The following ARHGEF4 variants were observed in gnomAD, a reference collection of about 807,000 sequenced individuals.
The protein encoded by ARHGEF4 is APC-stimulated guanine nucleotide exchange factor 1.
ARHGEF4 carries 119 observed loss-of-function variants against 162.0 expected under a neutral mutation model. The observed-to-expected ratio is 0.73, with a 90% confidence interval of 0.63 to 0.86. ARHGEF4 has a LOEUF of 0.86. Among genes scored for constraint, ARHGEF4 ranks in the 40% least tolerant of loss-of-function variants. The probability of loss-of-function intolerance (pLI) is 0.00; values close to 1 mark genes in which losing one functional copy is unlikely to be tolerated. For missense variants in ARHGEF4, 2,488 were observed against 2,456.0 expected, an observed-to-expected ratio of 1.01 and a Z score of -0.28; for synonymous variants, 1,014 against 979.9, an observed-to-expected ratio of 1.03 and a Z score of -0.65.
chr2:130,887,218 C>T (rs2104977170), intron 1 of ARHGEF4, among the ~76,000 whole-genome samples: 1 of 151,922 alleles, frequency 6.6e-6, no homozygotes, highest in East Asian at 1.9e-4. Context: ...GTAGTCCCAG[C>T]TACTTGGGAG....
At chr2:130,907,508 T>C (rs913449319) in intron 1 of ARHGEF4, among the ~76,000 whole-genome samples, 5 of 150,826 alleles carry the variant, frequency 3.3e-5, no homozygotes, top group Admixed American at 6.6e-5. Context: ...TGAGCCACCA[T>C]GCCCAGTCAG....
rs573242139 is a variant in ARHGEF4, at chr2:130,878,157, T to G, written c.40-35829T>G. 2.0e-5 allele frequency among the ~76,000 whole-genome samples: 3 copies of G among 152,322 alleles called. No homozygotes were observed. In the South Asian group the frequency reaches 6.2e-4, roughly 32 times the overall value. On this transcript the variant is annotated intron_variant, in intron 1 of 13. Transcript: ENST00000409359. ...AGCGAAATCATAAATACTTTAGGGT[T>G]TGTAGGCAGTATAGGGTCTCTGTCA... is the stretch of plus-strand genomic sequence containing the variant.
At chr2:130,909,004 A>C (rs1245653695) in intron 1 of ARHGEF4, among the ~76,000 whole-genome samples, 1 of 152,184 alleles carries the variant, frequency 6.6e-6, no homozygotes, top group Non-Finnish European at 1.5e-5. Flanking sequence ...CACTGGGAGG[A>C]TTAACATGAA....
In ARHGEF4 at chr2:131,030,170, A is replaced by G. The variant is rs1304243462; in HGVS notation, c.4125+2086A>G. Among the ~76,000 whole-genome samples, 4 of 152,274 alleles carry G rather than the reference A, an allele frequency of 2.6e-5. No homozygotes were observed. The East Asian group carries it at 7.7e-4, about 29-fold the overall frequency. Reference sequence around the variant, plus strand: ...ATGGCTGCGTTGATCTTGTGTCTGCATTTCATAGTTGTGTGTCTCCTACCT... The same window carrying G: ...ATGGCTGCGTTGATCTTGTGTCTGCGTTTCATAGTTGTGTGTCTCCTACCT... On this transcript the variant is annotated intron_variant, in intron 5 of 13. Transcript: ENST00000409359.
chr2:130,981,406 A>C (rs1686107712), intron 4 of ARHGEF4, among the ~76,000 whole-genome samples: 2 of 152,230 alleles, frequency 1.3e-5, no homozygotes, highest in African/African-American at 4.8e-5. Flanking sequence ...TAGGCCTGTA[A>C]TCCCAGCACT....
At chr2:130,988,398 G>T (rs898972221) in intron 4 of ARHGEF4, among the ~76,000 whole-genome samples, 1 of 152,228 alleles carries the variant, frequency 6.6e-6, no homozygotes, top group Non-Finnish European at 1.5e-5. Context: ...TGGTGTGTGG[G>T]CACTAAGAAA....
chr2:130,905,189 C>T lies in ARHGEF4; in HGVS notation c.40-8797C>T, dbSNP rs189739404. On this transcript the variant is annotated intron_variant, in intron 1 of 13. Coordinates refer to ENST00000409359, the MANE Select transcript of ARHGEF4 (RefSeq NM_001367493.1). Reference sequence around the variant, plus strand: ...AATACACAAAATTATCGCACATTCTCTATTTTCTTTTCTAAGTAGCCCTTA... The same window carrying T: ...AATACACAAAATTATCGCACATTCTTTATTTTCTTTTCTAAGTAGCCCTTA... Among the ~76,000 whole-genome samples, 16 of 152,254 alleles carry T rather than the reference C, an allele frequency of 1.1e-4. No individual in the cohort carries two copies. The East Asian group carries it at 3.1e-3, about 29-fold the overall frequency.
At chr2:130,985,475 CT>C (rs1686417930) in intron 4 of ARHGEF4, among the ~76,000 whole-genome samples, 1 of 151,970 alleles carries the variant, frequency 6.6e-6, no homozygotes, top group African/African-American at 2.4e-5. Flanking sequence ...ATCCATCTCC[CT>C]GACTGACTAA....
chr2:130,964,334 T>G (rs1322727736), intron 4 of ARHGEF4: 21 of 808,448 alleles, frequency 2.6e-5, no homozygotes, highest in Non-Finnish European at 3.0e-5. Flanking sequence ...CTCCTGCCTT[T>G]CCTTCTCCTC....
At chr2:131,045,137 G>A (rs1400492124) in intron 12 of ARHGEF4, among the ~76,000 whole-genome samples, 2 of 152,182 alleles carry the variant, frequency 1.3e-5, no homozygotes, top group African/African-American at 2.4e-5. Context: ...GGAAGGACTC[G>A]GGGATCTTCA....
At chr2:130,894,067 T>C (rs1360605869) in intron 1 of ARHGEF4, among the ~76,000 whole-genome samples, 1 of 152,246 alleles carries the variant, frequency 6.6e-6, no homozygotes, top group East Asian at 1.9e-4. Context: ...CATCTGTGGG[T>C]ACAGCTATCA....
chr2:130,877,282 A>T (rs1439344574), intron 1 of ARHGEF4, among the ~76,000 whole-genome samples: 4 of 152,218 alleles, frequency 2.6e-5, no homozygotes, highest in Admixed American at 6.5e-5. Flanking sequence ...TTTAAGATTT[A>T]TTATTTTAAT....
intron 4 of ARHGEF4, among the ~76,000 whole-genome samples, chr2:131,006,443 C>T (rs796621951): frequency 2.0e-5 from 3 of 152,338 alleles, no homozygotes; most frequent in African/African-American, 4.8e-5. Context: ...AGTCACATGG[C>T]CCAGGGCCTT....
chr2:130,916,358 G>C lies in ARHGEF4; in HGVS notation c.2412G>C (p.Arg804Ser). 6.5e-7 allele frequency: 1 copy of C among 1,541,772 alleles called. No homozygotes were observed. The highest frequency in any genetic ancestry group is 1.2e-5 in the South Asian group (1 of 83,668). The change falls in exon 2 of 14, where the codon AGG becomes AGC. Residue 804 changes from arginine to serine, a missense_variant. By Grantham distance (110) the Arg-to-Ser change is moderately radical (BLOSUM62 -1). Around this residue, in one of 6 missense-constraint regions of ARHGEF4, gnomAD observed 1,642 missense variants for 1,481.5 expected, o/e 1.11. Transcript: ENST00000409359. Reference sequence around the variant, plus strand: ...AGGTGACCTCCTTCAGGAAGGGCAGGCCCTTGGCCACTGAGAGCCCAGGAG... The same window carrying C: ...AGGTGACCTCCTTCAGGAAGGGCAGCCCCTTGGCCACTGAGAGCCCAGGAG... ...FSKVTSFRKG[R>S]PLATESPGGV... is the part of the protein sequence containing the mutation.
At chr2:131,033,836 GCA>G (rs151016365) in intron 5 of ARHGEF4, among the ~76,000 whole-genome samples, 1 of 152,018 alleles carries the variant, frequency 6.6e-6, no homozygotes, top group African/African-American at 2.4e-5. Flanking sequence ...ACACTTCTCT[GCA>G]CACACACACG....
At chr2:130,947,720 T>A (rs1380132048) in intron 4 of ARHGEF4, among the ~76,000 whole-genome samples, 1 of 152,174 alleles carries the variant, frequency 6.6e-6, no homozygotes, top group African/African-American at 2.4e-5. Context: ...AGAGCCAGGA[T>A]GGGGCCTCTT....
intron 5 of ARHGEF4, among the ~76,000 whole-genome samples, chr2:131,034,731 CCCCCGTGGCCATCTGTG>C (rs1690107352): frequency 6.6e-6 from 1 of 152,146 alleles, no homozygotes; most frequent in African/African-American, 2.4e-5. Context: ...TCCCCGAGCG[CCCCCGTGGCCATCTGTG>C]CCACTGGCCA....
Position 130,957,758 on chromosome 2 carries a change from C to T in ARHGEF4, c.3985+11123C>T, listed in dbSNP as rs992440784. On this transcript the variant is annotated intron_variant, in intron 4 of 13. Transcript: ENST00000409359. ...AAAAGAACCCCAGAAAACTCTCTAG[C>T]CCTCTTTCCCACCGTGTGAGGATAC... Among the ~76,000 whole-genome samples the T allele has an allele frequency of 3.3e-5, 5 of 152,218 alleles. No individual in the cohort carries two copies. The East Asian group carries it at 9.7e-4, about 29-fold the overall frequency.
chr2:131,002,395 G>A (rs559330382), intron 4 of ARHGEF4, among the ~76,000 whole-genome samples: 82 of 152,022 alleles, frequency 5.4e-4, no homozygotes, highest in African/African-American at 1.9e-3. Context: ...GGCTAACACG[G>A]TGAAACCCCA....
Sources: allele counts gnomAD v4.1 joint callset (sites outside exome capture counted in the v4.1 genomes callset), GRCh38; gene constraint gnomAD v4.1.1; regional missense constraint gnomAD v4.1.1; transcripts MANE v1.5; gene names NCBI Gene and HGNC (gene_info 2026-07-23, HGNC 2026-07-21).